PTPRD: variants seen among roughly 807,000 people sequenced by gnomAD.
The protein encoded by PTPRD is protein tyrosine phosphatase receptor type D.
Under a neutral mutation model 214.5 loss-of-function variants are expected in PTPRD, and 34 were observed. The ratio of observed to expected loss-of-function variants is 0.16; its 90% CI spans 0.12 to 0.21. PTPRD has a LOEUF of 0.21. Among genes scored for constraint, PTPRD ranks in the 10% least tolerant of loss-of-function variants. The pLI is 1.00. For missense variants in PTPRD, 2,545 were observed against 2,398.7 expected (o/e 1.06, Z -1.27); for synonymous variants, 1,128 against 845.7 (o/e 1.33, Z -5.79).
At chr9:9,247,451 G>T (rs1486568389) in intron 9 of PTPRD, among the ~76,000 whole-genome samples, 1 of 152,000 alleles carries the variant, frequency 6.6e-6, no homozygotes, top group Non-Finnish European at 1.5e-5. Context: ...ATATACATTT[G>T]TTATGCTTTT....
intron 10 of PTPRD, among the ~76,000 whole-genome samples, chr9:9,139,450 T>G (rs74921393): frequency 0.024 from 3,698 of 152,268 alleles, 83 homozygotes; most frequent in East Asian, 0.14. Flanking sequence ...AATTTATAAG[T>G]TAGGCACAGT....
chr9:10,499,625 C>A (rs2043076802), intron 2 of PTPRD, among the ~76,000 whole-genome samples: 1 of 151,830 alleles, frequency 6.6e-6, no homozygotes, highest in Non-Finnish European at 1.5e-5. Flanking sequence ...GAACTTGTTT[C>A]TAAATTTATG....
chr9:8,685,230 A>G (rs934312517), intron 12 of PTPRD, among the ~76,000 whole-genome samples: 1 of 151,510 alleles, frequency 6.6e-6, no homozygotes, highest in African/African-American at 2.4e-5. Context: ...AAAGGCCTCT[A>G]CAAAGAAGTG....
intron 3 of PTPRD, among the ~76,000 whole-genome samples, chr9:10,284,490 C>CT (rs2095272610): frequency 6.6e-6 from 1 of 152,084 alleles, no homozygotes; most frequent in Non-Finnish European, 1.5e-5. Flanking sequence ...AACATTCTAT[C>CT]TTTTTTCTGT....
intron 3 of PTPRD, among the ~76,000 whole-genome samples, chr9:10,088,567 T>C (rs1040896800): frequency 6.6e-6 from 1 of 151,712 alleles, no homozygotes; most frequent in African/African-American, 2.4e-5. Context: ...TGATGCTAGG[T>C]CCATTTCATC....
At chr9:10,348,610 A>C (rs2097129803) in intron 2 of PTPRD, among the ~76,000 whole-genome samples, 3 of 152,198 alleles carry the variant, frequency 2.0e-5, no homozygotes, top group African/African-American at 7.2e-5. Context: ...TATGCTATTG[A>C]AAAATGAAAA....
intron 9 of PTPRD, among the ~76,000 whole-genome samples, chr9:9,347,306 A>G (rs971051120): frequency 6.7e-6 from 1 of 149,126 alleles, no homozygotes; most frequent in South Asian, 2.1e-4. Context: ...GACTCTCTCT[A>G]TGTGTATATA....
At chr9:9,889,114 G>C (rs1415127300) in intron 5 of PTPRD, among the ~76,000 whole-genome samples, 1 of 152,108 alleles carries the variant, frequency 6.6e-6, no homozygotes, top group East Asian at 1.9e-4. Context: ...CAGGTGCTGG[G>C]ATGGTTGGGG....
At chr9:8,815,071 T>C (rs2096892753) in intron 11 of PTPRD, among the ~76,000 whole-genome samples, 1 of 152,150 alleles carries the variant, frequency 6.6e-6, no homozygotes, top group Admixed American at 6.5e-5. Flanking sequence ...AATTGTCATA[T>C]CTCACATTTA....
At chr9:9,190,749 C>G (rs1251815424) in intron 9 of PTPRD, among the ~76,000 whole-genome samples, 1 of 152,034 alleles carries the variant, frequency 6.6e-6, no homozygotes, top group Admixed American at 6.6e-5. Flanking sequence ...ATAAAATGTA[C>G]TATGATATCA....
chr9:9,339,405 G>A (rs1476079626), intron 9 of PTPRD, among the ~76,000 whole-genome samples: 1 of 152,032 alleles, frequency 6.6e-6, no homozygotes, highest in East Asian at 1.9e-4. Context: ...AGAATGGTGT[G>A]AACCTGAGAG....
chr9:9,701,682 T>C (rs1236694617), intron 7 of PTPRD, among the ~76,000 whole-genome samples: 1 of 152,138 alleles, frequency 6.6e-6, no homozygotes, highest in Non-Finnish European at 1.5e-5. Context: ...AGATGTGAAA[T>C]AGAATATTAA....
chr9:8,943,665 TC>T (rs1482933487), intron 11 of PTPRD, among the ~76,000 whole-genome samples: 2 of 151,280 alleles, frequency 1.3e-5, no homozygotes, highest in Non-Finnish European at 3.0e-5. Flanking sequence ...CCAGATTATT[TC>T]CCAGAATAAA....
intron 14 of PTPRD, among the ~76,000 whole-genome samples, chr9:8,582,231 A>T (rs996091485): frequency 5.9e-5 from 9 of 152,214 alleles, no homozygotes; most frequent in African/African-American, 2.2e-4. Context: ...TCCATGTAGA[A>T]TAACAAGATT....
intron 3 of PTPRD, among the ~76,000 whole-genome samples, chr9:10,146,870 G>A (rs959156909): frequency 6.6e-6 from 1 of 152,182 alleles, no homozygotes; most frequent in Non-Finnish European, 1.5e-5. Flanking sequence ...AGTTCAGGAA[G>A]CCTTTACAAA....
chr9:8,739,071 A>T (rs1403716446), intron 11 of PTPRD, among the ~76,000 whole-genome samples: 1 of 152,214 alleles, frequency 6.6e-6, no homozygotes, highest in Admixed American at 6.5e-5. Flanking sequence ...CATTTGTACA[A>T]ACGATGTGCT....
At chr9:10,248,381 G>A (rs549812952) in intron 3 of PTPRD, among the ~76,000 whole-genome samples, 1 of 151,826 alleles carries the variant, frequency 6.6e-6, no homozygotes, top group Admixed American at 6.6e-5. Context: ...AGCACTTATT[G>A]AAGAAAAACT....
At chr9:9,907,267 T>A (rs1787551276) in intron 5 of PTPRD, among the ~76,000 whole-genome samples, 1 of 151,984 alleles carries the variant, frequency 6.6e-6, no homozygotes, top group Admixed American at 6.6e-5. Flanking sequence ...TCACTTGGGT[T>A]CTTATATAAG....
chr9:9,677,472 T>C (rs1157812439), intron 7 of PTPRD, among the ~76,000 whole-genome samples: 1 of 152,152 alleles, frequency 6.6e-6, no homozygotes, highest in Non-Finnish European at 1.5e-5. Context: ...AAAAGCCTTA[T>C]GATTATCTCA....
Sources: allele counts gnomAD v4.1 joint callset (sites outside exome capture counted in the v4.1 genomes callset), GRCh38; gene constraint gnomAD v4.1.1; transcripts MANE v1.5; gene names NCBI Gene and HGNC (gene_info 2026-07-23, HGNC 2026-07-21).